Variants in PRPF18 observed in about 807,000 individuals in gnomAD.
PRPF18 encodes the protein pre-mRNA processing factor 18, also known as pre-mRNA-splicing factor 18.
Under a neutral mutation model 46.5 loss-of-function variants are expected in PRPF18, and 38 were observed. The ratio of observed to expected loss-of-function variants is 0.82; its 90% confidence interval spans 0.63 to 1.07. The LOEUF is 1.07. Among genes scored for constraint, PRPF18 ranks in the 50% least tolerant of loss-of-function variants. The probability of loss-of-function intolerance (pLI) is 0.00; values close to 1 mark genes in which losing one functional copy is unlikely to be tolerated. For synonymous variants in PRPF18, 152 were observed against 146.7 expected (o/e 1.04, Z -0.26); for missense variants, 263 against 410.0 (o/e 0.64, Z 3.10).
chr10:13,611,790 A>G (rs1006728666), intron 6 of PRPF18, 107 bp downstream of exon 6: 2 of 844,528 alleles, frequency 2.4e-6, no homozygotes, highest in Admixed American at 4.5e-5. Context: ...GCCTCAATAC[A>G]CATTTCTCAC....
chr10:13,628,535 T>A (rs2080544688), intron 9 of PRPF18, among the ~76,000 whole-genome samples: 1 of 152,236 alleles, frequency 6.6e-6, no homozygotes, highest in South Asian at 2.1e-4. Context: ...ATATGATATT[T>A]ATTTGTATTA....
chr10:13,598,107 A>C (rs2080060375), intron 2 of PRPF18, among the ~76,000 whole-genome samples: 1 of 152,184 alleles, frequency 6.6e-6, no homozygotes, highest in African/African-American at 2.4e-5. Flanking sequence ...AACACTGTTT[A>C]GTCTGTTGGA....
intron 1 of PRPF18, among the ~76,000 whole-genome samples, chr10:13,593,974 G>T (rs1375891223): frequency 6.6e-6 from 1 of 152,202 alleles, no homozygotes; most frequent in Non-Finnish European, 1.5e-5. Flanking sequence ...GGCCCCAGTG[G>T]TTTTTGCCAG....
chr10:13,624,381 C>G (rs934928047), intron 9 of PRPF18, among the ~76,000 whole-genome samples: 1 of 152,196 alleles, frequency 6.6e-6, no homozygotes. Flanking sequence ...ATTACGGAAC[C>G]AAACAGTTCC....
intron 6 of PRPF18, among the ~76,000 whole-genome samples, chr10:13,612,631 T>TC (rs1427421249): frequency 6.8e-6 from 1 of 147,942 alleles, no homozygotes; most frequent in African/African-American, 2.5e-5. Context: ...GCTTTTTTTT[T>TC]TTTTTTTTTT....
chr10:13,601,689 C>T (rs537836875), intron 3 of PRPF18, among the ~76,000 whole-genome samples: 2 of 152,158 alleles, frequency 1.3e-5, no homozygotes, highest in Admixed American at 6.5e-5. Flanking sequence ...TTACAGTAAA[C>T]ATGTGCTTTG....
intron 9 of PRPF18, among the ~76,000 whole-genome samples, chr10:13,626,386 A>G (rs1381872014): frequency 6.6e-6 from 1 of 152,236 alleles, no homozygotes; most frequent in East Asian, 1.9e-4. Flanking sequence ...TAGAAAAACA[A>G]AACAAAAAGG....
chr10:13,641,133 T>A, the PRPF18 span: 9 of 152,376 alleles, frequency 5.9e-5, no homozygotes, highest in African/African-American at 2.2e-4. Flanking sequence ...TAATTTACTT[T>A]CTATTGGCCC....
At chr10:13,650,569 A>T in the PRPF18 span, among the ~76,000 whole-genome samples, 24 of 152,242 alleles carry the variant, frequency 1.6e-4, no homozygotes, top group Admixed American at 1.6e-3. Flanking sequence ...ACCGGGGGAG[A>T]AAAAGGCCAT....
chr10:13,613,320 G>A (rs535886045), intron 6 of PRPF18, among the ~76,000 whole-genome samples: 1 of 152,276 alleles, frequency 6.6e-6, no homozygotes, highest in South Asian at 2.1e-4. Flanking sequence ...CTCTCCTTTA[G>A]TCAGGTGCTT....
At chr10:13,587,276 C>A in intron 1 of PRPF18, 124 bp downstream of exon 1, 2 of 1,031,822 alleles carry the variant, frequency 1.9e-6, no homozygotes, top group Non-Finnish European at 3.0e-6. Context: ...GAGTGTCCTG[C>A]CACTACCCCT....
chr10:13,600,721 A>G lies in PRPF18; in HGVS notation c.249+373A>G, dbSNP rs78936425. ...TCCAGATTAAAATATGGAGATCTAC[A>G]TAATTTTGAATGAGTGTATAATTTC... On this transcript the variant is annotated intron_variant, in intron 3 of 9. Transcript: ENST00000378572. Among the ~76,000 whole-genome samples, 1,479 of 152,284 alleles carry G rather than the reference A, an allele frequency of 9.7e-3. 18 individuals are homozygous for G. Among genetic ancestry groups the G allele is most frequent in the African/African-American group, 0.032 (1,317 of 41,554 alleles).
At chr10:13,606,079 C>T (rs984068457) in intron 4 of PRPF18, among the ~76,000 whole-genome samples, 1 of 152,060 alleles carries the variant, frequency 6.6e-6, no homozygotes, top group African/African-American at 2.4e-5. Flanking sequence ...AAGTAAACCA[C>T]CACGACACAC....
chr10:13,614,966 G>A (rs561162141), intron 8 of PRPF18, among the ~76,000 whole-genome samples: 10 of 152,188 alleles, frequency 6.6e-5, no homozygotes, highest in South Asian at 2.1e-4. Flanking sequence ...GTATACTGAC[G>A]TAACAAGGGA....
At chr10:13,606,733 C>CAA (rs34162273) in intron 4 of PRPF18, among the ~76,000 whole-genome samples, 101 of 72,890 alleles carry the variant, frequency 1.4e-3, no homozygotes, top group African/African-American at 1.8e-3. Flanking sequence ...GACTCCTTCT[C>CAA]AAAAAAAAAA....
At chr10:13,617,889 A>C (rs1402551513) in intron 9 of PRPF18, among the ~76,000 whole-genome samples, 1 of 152,180 alleles carries the variant, frequency 6.6e-6, no homozygotes, top group East Asian at 1.9e-4. Flanking sequence ...AAAATTGATG[A>C]GCATACTGTA....
chr10:13,617,631 C>T (rs535671576), intron 9 of PRPF18, among the ~76,000 whole-genome samples: 2 of 151,948 alleles, frequency 1.3e-5, no homozygotes, highest in East Asian at 3.9e-4. Flanking sequence ...TATATTGTGG[C>T]CAAAGGTATA....
intron 1 of PRPF18, chr10:13,592,303 C>T (rs559421592): frequency 1.2e-5 from 5 of 403,572 alleles, no homozygotes; most frequent in South Asian, 4.9e-5. Context: ...TATCCGGCTT[C>T]TCAACTTTTT....
Position 13,600,361 on chromosome 10 carries a change from G to A in PRPF18, c.249+13G>A. The A allele has an allele frequency of 6.3e-7, 1 of 1,575,566 alleles. No homozygotes were observed. The highest frequency in any genetic ancestry group is 8.7e-7 in the Non-Finnish European group (1 of 1,148,238). On this transcript the variant is annotated intron_variant, in intron 3 of 9. Coordinates refer to ENST00000378572, the MANE Select transcript of PRPF18 (RefSeq NM_003675.4). ...TTCTAGGCAAGAGGTAAGTTTATTT[G>A]TGATGGTTTCATGAGAATAAGATCT...
Sources: gnomAD v4.1 joint callset for allele counts (sites outside exome capture counted in the v4.1 genomes callset) on GRCh38, gnomAD v4.1.1 for gene constraint, MANE v1.5 for transcripts, NCBI Gene and HGNC (gene_info 2026-07-23, HGNC 2026-07-21) for gene names.